The following FAM13B variants were observed in gnomAD, a reference collection of about 807,000 sequenced individuals.
The protein encoded by FAM13B is protein FAM13B.
In FAM13B, 60 loss-of-function variants were observed where a neutral mutation model predicts 117.3. The ratio of observed to expected loss-of-function variants is 0.51; its 90% CI spans 0.42 to 0.63. The LOEUF is 0.63. Ranked by LOEUF, FAM13B falls within the 30% of genes least tolerant of loss-of-function variation. FAM13B has a pLI of 0.00. For synonymous variants in FAM13B, 332 were observed against 356.1 expected (o/e 0.93, Z 0.76); for missense variants, 972 against 1,091.9 (o/e 0.89, Z 1.55).
At position 138,041,899 on chromosome 5, in the gene FAM13B, A is replaced by G. The variant is rs550399455; in HGVS notation, c.-203+9979T>C. On this transcript the variant is annotated intron_variant, in intron 1 of 3. Coordinates refer to the FAM13B transcript ENST00000502471. The stretch of plus-strand genomic sequence containing the variant: ...CAGAGCAAGACCCTGTCTCAAAAAA[A>G]AAAAAAATATTAATAGCCAGGCACA... 1.2e-3 allele frequency among the ~76,000 whole-genome samples: 189 copies of G among 152,150 alleles called. 3 individuals carry two copies. The highest frequency in any genetic ancestry group is 1.2e-3 in the East Asian group (6 of 5,182).
intron 17 of FAM13B, among the ~76,000 whole-genome samples, chr5:137,950,878 G>A (rs1289423781): frequency 6.6e-6 from 1 of 152,140 alleles, no homozygotes; most frequent in Non-Finnish European, 1.5e-5. Context: ...AGAAGTATAG[G>A]GGAAAATTAA....
chr5:137,985,905 C>A (rs1169725234), intron 9 of FAM13B, among the ~76,000 whole-genome samples: 2 of 152,184 alleles, frequency 1.3e-5, no homozygotes, highest in Admixed American at 1.3e-4. Flanking sequence ...ATAAGACTAT[C>A]ACCTGAGCAA....
chr5:137,982,345 G>T (rs1193661020), intron 10 of FAM13B, among the ~76,000 whole-genome samples: 1 of 152,168 alleles, frequency 6.6e-6, no homozygotes. Context: ...CTGAGGTCAG[G>T]AGCTCGAGAC....
chr5:138,018,206 A>G, intron 4 of FAM13B, 96 bp downstream of exon 4: 1 of 1,029,406 alleles, frequency 9.7e-7, no homozygotes, highest in Non-Finnish European at 1.4e-6. Flanking sequence ...AATCTCTAAA[A>G]TACTATACTT....
intron 22 of FAM13B, chr5:137,942,646 A>G (rs1762205787): frequency 2.1e-6 from 1 of 471,630 alleles, no homozygotes; most frequent in East Asian, 4.0e-5. Flanking sequence ...TATAGGCATG[A>G]GCCACTGTGC....
At chr5:137,956,303 A>C (rs1372260939) in intron 14 of FAM13B, among the ~76,000 whole-genome samples, 174 bp downstream of exon 14, 1 of 152,218 alleles carries the variant, frequency 6.6e-6, no homozygotes, top group Non-Finnish European at 1.5e-5. Context: ...ACATTTTATG[A>C]GAAATATCCT....
intron 13 of FAM13B, among the ~76,000 whole-genome samples, chr5:137,957,675 G>A (rs1766981042): frequency 6.6e-6 from 1 of 152,156 alleles, no homozygotes; most frequent in Non-Finnish European, 1.5e-5. Flanking sequence ...TCATGGCTGG[G>A]AAGTTCGCTC....
chr5:138,024,699 A>C (rs986228918), intron 1 of FAM13B, among the ~76,000 whole-genome samples: 1 of 152,110 alleles, frequency 6.6e-6, no homozygotes, highest in Non-Finnish European at 1.5e-5. Context: ...GCAGTTCAAT[A>C]AAAGGATTGA....
chr5:137,941,029 T>C (rs1249485523), intron 23 of FAM13B, among the ~76,000 whole-genome samples: 1 of 152,016 alleles, frequency 6.6e-6, no homozygotes, highest in East Asian at 1.9e-4. Flanking sequence ...CCTCAGCCTC[T>C]AGAGTAGCTG....
Position 138,019,051 on chromosome 5 carries a change from A to T in FAM13B, c.61T>A (p.Phe21Ile). 6.2e-7 allele frequency: 1 copy of T among 1,614,088 alleles called. No homozygotes were observed. The highest frequency in any genetic ancestry group is 8.5e-7 in the Non-Finnish European group (1 of 1,179,992). ...TGCAGCTCATCAAGTGGAATTCCAA[A>T]TATTTTGTTAGCAAGAACGGAGTTG... ...NCNSVLANKI[F>I]GIPLDELQQG... The change falls in exon 3 of 24, where the codon TTT becomes ATT. Residue 21 changes from phenylalanine to isoleucine, a missense_variant. Physicochemically the swap from Phe to Ile is conservative, Grantham distance 21. Coordinates refer to ENST00000689681, the MANE Select transcript of FAM13B (RefSeq NM_001385994.1).
chr5:138,000,748 T>C (rs1374072682), intron 7 of FAM13B, among the ~76,000 whole-genome samples: 1 of 151,950 alleles, frequency 6.6e-6, no homozygotes, highest in African/African-American at 2.4e-5. Context: ...CTGGCCAACA[T>C]GGTGAAACCC....
chr5:137,985,909 T>C (rs893118443), intron 9 of FAM13B, among the ~76,000 whole-genome samples: 1 of 152,214 alleles, frequency 6.6e-6, no homozygotes, highest in African/African-American at 2.4e-5. Flanking sequence ...GACTATCACC[T>C]GAGCAATGGG....
At chr5:138,011,665 G>C (rs374588320) in intron 5 of FAM13B, 103 bp downstream of exon 5, 1 of 719,440 alleles carries the variant, frequency 1.4e-6, no homozygotes, top group East Asian at 3.0e-5. Flanking sequence ...TGATCCGCCC[G>C]CATCAGCCTC....
intron 15 of FAM13B, 71 bp from the exon 16 acceptor site, chr5:137,953,536 A>G: frequency 6.8e-7 from 1 of 1,474,960 alleles, no homozygotes; most frequent in Non-Finnish European, 9.3e-7. Flanking sequence ...TTGCCCTGAC[A>G]TGGCACTATT....
intron 20 of FAM13B, among the ~76,000 whole-genome samples, chr5:137,945,350 A>C (rs1763150913): frequency 6.6e-6 from 1 of 152,200 alleles, no homozygotes; most frequent in Admixed American, 6.5e-5. Context: ...TTAAACACTA[A>C]AGTTTTCATT....
At chr5:137,982,705 G>A (rs1390093932) in intron 10 of FAM13B, among the ~76,000 whole-genome samples, 2 of 152,102 alleles carry the variant, frequency 1.3e-5, no homozygotes, top group Non-Finnish European at 2.9e-5. Context: ...CCGCACCACT[G>A]TCCACTTTTC....
At chr5:138,012,481 C>T (rs1312351743) in intron 4 of FAM13B, among the ~76,000 whole-genome samples, 1 of 152,198 alleles carries the variant, frequency 6.6e-6, no homozygotes, top group African/African-American at 2.4e-5. Flanking sequence ...AAACAATTAA[C>T]TTCAGCAATA....
At chr5:137,978,502 AG>A (rs1261867044) in intron 10 of FAM13B, among the ~76,000 whole-genome samples, 2 of 151,976 alleles carry the variant, frequency 1.3e-5, no homozygotes, top group Non-Finnish European at 2.9e-5. Flanking sequence ...GCAAAGGCAA[AG>A]AAAAAAAAAA....
chr5:137,963,576 C>A (rs1283380451), intron 10 of FAM13B, among the ~76,000 whole-genome samples: 1 of 152,100 alleles, frequency 6.6e-6, no homozygotes, highest in Non-Finnish European at 1.5e-5. Flanking sequence ...TCCCTGAGAC[C>A]CAAAGTGTGA....
Sources: allele counts gnomAD v4.1 joint callset (sites outside exome capture counted in the v4.1 genomes callset), GRCh38; gene constraint gnomAD v4.1.1; transcripts MANE v1.5; gene names NCBI Gene and HGNC (gene_info 2026-07-23, HGNC 2026-07-21).